Variants in CYB5B observed in about 807,000 individuals in gnomAD.
The protein encoded by CYB5B is cytochrome b5 type B.
CYB5B carries 14 observed loss-of-function variants against 21.3 expected under a neutral mutation model. The ratio of observed to expected loss-of-function variants is 0.66; its 90% CI spans 0.43 to 1.03. The LOEUF is 1.03. CYB5B is among the 50% of genes least tolerant of loss of function. The probability of loss-of-function intolerance (pLI) is 0.00; values close to 1 mark genes in which losing one functional copy is unlikely to be tolerated. For missense variants in CYB5B, 166 were observed against 185.1 expected (o/e 0.90, Z 0.60); for synonymous variants, 69 against 68.4 (o/e 1.01, Z -0.04).
At chr16:69,431,546 C>T (rs1237649427) in intron 1 of CYB5B, among the ~76,000 whole-genome samples, 2 of 151,902 alleles carry the variant, frequency 1.3e-5, no homozygotes, top group African/African-American at 4.8e-5. Context: ...CCAAGGTGGA[C>T]AGATCACTTG....
At chr16:69,450,770 G>A (rs1163078803) in intron 3 of CYB5B, among the ~76,000 whole-genome samples, 1 of 152,166 alleles carries the variant, frequency 6.6e-6, no homozygotes, top group Non-Finnish European at 1.5e-5. Flanking sequence ...TTATGAAGAA[G>A]TGATTTTTAA....
At chr16:69,438,639 G>A (rs1172330281) in intron 1 of CYB5B, among the ~76,000 whole-genome samples, 2 of 151,278 alleles carry the variant, frequency 1.3e-5, no homozygotes, top group Admixed American at 1.3e-4. Flanking sequence ...GTCCCTTTCT[G>A]ACAGAATTCA....
chr16:69,425,670 TAA>T (rs1791320759), intron 1 of CYB5B, among the ~76,000 whole-genome samples: 1 of 152,228 alleles, frequency 6.6e-6, no homozygotes, highest in African/African-American at 2.4e-5. Flanking sequence ...TCATCCATGT[TAA>T]GACATAAACC....
At chr16:69,449,029 A>G (rs774152021) in intron 3 of CYB5B, 4 of 152,206 alleles carry the variant, frequency 2.6e-5, no homozygotes, top group Non-Finnish European at 4.4e-5. Flanking sequence ...AGTGTCTGCC[A>G]TCTGTTGCCC....
At chr16:69,450,308 CA>C (rs748549724) in intron 3 of CYB5B, 1 of 151,534 alleles carries the variant, frequency 6.6e-6, no homozygotes, top group Non-Finnish European at 1.5e-5. Flanking sequence ...TTAAGCTCAC[CA>C]AGTTCTATAA....
At chr16:69,433,121 C>T (rs572334375) in intron 1 of CYB5B, among the ~76,000 whole-genome samples, 206 of 152,208 alleles carry the variant, frequency 1.4e-3, no homozygotes, top group Non-Finnish European at 2.4e-3. Flanking sequence ...CTTAACCGTA[C>T]CCTAGGATCT....
At chr16:69,436,579 G>C (rs2014762542) in intron 1 of CYB5B, among the ~76,000 whole-genome samples, 1 of 152,070 alleles carries the variant, frequency 6.6e-6, no homozygotes, top group Admixed American at 6.5e-5. Context: ...CCTGCAGACT[G>C]TTTTTTAGGA....
chr16:69,435,978 G>A (rs1262662908), intron 1 of CYB5B, among the ~76,000 whole-genome samples: 1 of 152,194 alleles, frequency 6.6e-6, no homozygotes, highest in Admixed American at 6.5e-5. Context: ...TCTGCCAAGA[G>A]TGGTTCCAAG....
intron 1 of CYB5B, 83 bp from the exon 2 acceptor site, chr16:69,447,067 A>C: frequency 1.3e-6 from 2 of 1,484,962 alleles, no homozygotes; most frequent in Non-Finnish European, 9.1e-7. Context: ...TAAAGGGAGA[A>C]AGGAAGAAGG....
At position 69,464,764 on chromosome 16, in the gene CYB5B, A is replaced by T. The variant is rs2015071103; in HGVS notation, c.*2244A>T. On this transcript the variant is annotated 3_prime_UTR_variant, in exon 5 of 5. Transcript: ENST00000307892. ...TCACATTGGTTTTCTTTTCCTGTTT[A>T]CATCTGCACTTGTTTTTTGCTGAGA... 1 of 152,652 alleles carries T rather than the reference A, an allele frequency of 6.6e-6. No individual in the cohort carries two copies. Among genetic ancestry groups the T allele is most frequent in the African/African-American group, 2.4e-5 (1 of 41,448 alleles). 9.5% of individuals were successfully genotyped at this position (152,652 alleles called of 1,614,324 possible).
chr16:69,455,609 T>G (rs2014976606), intron 3 of CYB5B, among the ~76,000 whole-genome samples: 1 of 151,902 alleles, frequency 6.6e-6, no homozygotes, highest in Non-Finnish European at 1.5e-5. Flanking sequence ...GGTTTCACCA[T>G]GTTGGCCAGG....
At position 69,462,638 on chromosome 16, in the gene CYB5B, A is replaced by G. The variant is rs958998385; in HGVS notation, c.*118A>G. ...TGCCAGTTGCATTCTTCCCCCTTGG[A>G]GCCAAGACGATTGGCCAGACATCAC... is the stretch of plus-strand genomic sequence containing the variant. On this transcript the variant is annotated 3_prime_UTR_variant, in exon 5 of 5. Coordinates refer to ENST00000307892, the MANE Select transcript of CYB5B (RefSeq NM_030579.3). 6.2e-6 allele frequency: 5 copies of G among 803,078 alleles called. No individual in the cohort carries two copies. The highest frequency in any genetic ancestry group is 1.7e-5 in the African/African-American group (1 of 59,054). The allele number at this position is 803,078 out of a possible 1,614,324, so 49.7% of individuals were successfully genotyped here.
chr16:69,426,519 A>G (rs2014648809), intron 1 of CYB5B, among the ~76,000 whole-genome samples: 1 of 151,540 alleles, frequency 6.6e-6, no homozygotes, highest in Non-Finnish European at 1.5e-5. Flanking sequence ...AGCCTGACCA[A>G]CATGGTGAAA....
Position 69,463,617 on chromosome 16 carries a change from A to G in CYB5B, c.*1097A>G, listed in dbSNP as rs1429330928. The G allele has an allele frequency of 6.6e-6, 1 of 152,156 alleles. No homozygotes were observed. Among genetic ancestry groups the G allele is most frequent in the Non-Finnish European group, 1.5e-5 (1 of 68,034 alleles). The allele number at this position is 152,156 out of a possible 1,614,324, so 9.4% of individuals were successfully genotyped here. On this transcript the variant is annotated 3_prime_UTR_variant, in exon 5 of 5. Coordinates refer to ENST00000307892, the MANE Select transcript of CYB5B (RefSeq NM_030579.3). Reference sequence around the variant, plus strand: ...CAAATTTTTGATTCTCCATTTTCCAAAAGTAAGAGACTCCAGCATGGCCTT... The same window carrying G: ...CAAATTTTTGATTCTCCATTTTCCAGAAGTAAGAGACTCCAGCATGGCCTT...
intron 2 of CYB5B, 99 bp from the exon 3 acceptor site, chr16:69,448,016 C>A: frequency 7.9e-7 from 1 of 1,266,866 alleles, no homozygotes; most frequent in South Asian, 1.3e-5. Context: ...TTCACTATCA[C>A]CAGAATATAG....
intron 1 of CYB5B, among the ~76,000 whole-genome samples, chr16:69,433,139 T>A (rs2014723273): frequency 6.6e-6 from 1 of 152,192 alleles, no homozygotes; most frequent in Admixed American, 6.5e-5. Flanking sequence ...TCTGCCTCAA[T>A]GTTTTTCATG....
At chr16:69,448,361 C>A in intron 3 of CYB5B, 3 of 564,724 alleles carry the variant, frequency 5.3e-6, no homozygotes, top group East Asian at 3.1e-5. Context: ...TGCCTTTATA[C>A]GCTTTTTTTT....
In CYB5B at chr16:69,464,905, T is replaced by A. The variant is rs1346521862; in HGVS notation, c.*2385T>A. On this transcript the variant is annotated 3_prime_UTR_variant, in exon 5 of 5. Transcript: ENST00000307892. ...TCACTTTGTATCTGGAAAATCACTT[T>A]GGGGTCCATTTACTGTTATTTTGTT... 2 of 152,646 alleles carry A rather than the reference T, an allele frequency of 1.3e-5. No homozygotes were observed. The highest frequency in any genetic ancestry group is 4.8e-5 in the African/African-American group (2 of 41,454). 9.5% of individuals were successfully genotyped at this position (152,646 alleles called of 1,614,324 possible).
In CYB5B at chr16:69,441,396, C is replaced by T. The variant is rs1270465671; in HGVS notation, c.175-5754C>T. 6.6e-5 allele frequency among the ~76,000 whole-genome samples: 10 copies of T among 152,270 alleles called. No homozygotes were observed. In the South Asian group the frequency reaches 8.3e-4, roughly 13 times the overall value. On this transcript the variant is annotated intron_variant, in intron 1 of 4. Coordinates refer to ENST00000307892, the MANE Select transcript of CYB5B (RefSeq NM_030579.3). ...GTCTCGGTCTCCTGACCTCGTGATCCGCCCGCCTCAGCCTCCCAAAGTGCT... is the reference window on the plus strand; with the variant it reads ...GTCTCGGTCTCCTGACCTCGTGATCTGCCCGCCTCAGCCTCCCAAAGTGCT...
Sources: gnomAD v4.1 joint callset for allele counts (sites outside exome capture counted in the v4.1 genomes callset) on GRCh38, gnomAD v4.1.1 for gene constraint, MANE v1.5 for transcripts, NCBI Gene and HGNC (gene_info 2026-07-23, HGNC 2026-07-21) for gene names.